Variants in THEMIS observed in about 807,000 individuals in gnomAD.
The protein encoded by THEMIS is protein THEMIS.
In THEMIS, 37 loss-of-function variants were observed where a neutral mutation model predicts 52.6. The observed-to-expected ratio is 0.70, with a 90% CI of 0.54 to 0.93. The LOEUF is 0.93. THEMIS is among the 40% of genes least tolerant of loss of function. The pLI, the probability that THEMIS is intolerant of heterozygous loss-of-function variation, is 0.00. For synonymous variants in THEMIS, 292 were observed against 272.7 expected (o/e 1.07, Z -0.70); for missense variants, 808 against 763.1 (o/e 1.06, Z -0.69).
intron 4 of THEMIS, among the ~76,000 whole-genome samples, chr6:127,802,981 A>T (rs1777585824): frequency 6.6e-6 from 1 of 152,180 alleles, no homozygotes; most frequent in Non-Finnish European, 1.5e-5. Context: ...TCTGATGCTT[A>T]TGTTAGAAAT....
At chr6:127,905,268 C>G (rs1419801172), upstream of THEMIS, among the ~76,000 whole-genome samples, 2 of 151,984 alleles carry the variant, frequency 1.3e-5, no homozygotes, top group African/African-American at 4.8e-5. Flanking sequence ...AAGAAATTGT[C>G]ACTTTCAAAG....
rs78416435 is a variant in THEMIS at position 127,909,674 on chromosome 6, A to T, written c.-149-8593T>A. On this transcript the variant is annotated intron_variant, in intron 1 of 6. Transcript: ENST00000368250. The stretch of plus-strand genomic sequence containing the variant: ...TTGTAATATTAACAGTATATTTAAC[A>T]GTCCCAGTCAAATGAATTACTGGGA... Among the ~76,000 whole-genome samples the T allele has an allele frequency of 3.9e-3, 589 of 152,234 alleles. 3 individuals carry two copies. The highest frequency in any genetic ancestry group is 0.014 in the African/African-American group (574 of 41,560).
Position 127,818,582 on chromosome 6 carries a change from C to CAA in THEMIS, c.710-4653_710-4652dup, listed in dbSNP as rs201551010. ...TACCTGAAACATCATGTCTGGCTTT[C>CAA]AAAAAAAAAAAAAAACTACAACATA... On this transcript the variant is annotated intron_variant, in intron 3 of 5. Coordinates refer to ENST00000368248, the MANE Select transcript of THEMIS (RefSeq NM_001010923.3). Among the ~76,000 whole-genome samples, 355 of 110,982 alleles carry CAA rather than the reference C, an allele frequency of 3.2e-3. 1 individual carries two copies. Among genetic ancestry groups the CAA allele is most frequent in the South Asian group, 0.022 (84 of 3,776 alleles). 72.8% of individuals were successfully genotyped at this position (110,982 alleles called of 152,430 possible).
At chr6:127,774,926 C>T (rs1776510409) in intron 4 of THEMIS, among the ~76,000 whole-genome samples, 1 of 152,146 alleles carries the variant, frequency 6.6e-6, no homozygotes, top group Non-Finnish European at 1.5e-5. Context: ...TATATGCCCA[C>T]ACATTTCCAC....
intron 1 of THEMIS, among the ~76,000 whole-genome samples, chr6:127,862,415 T>C (rs1269075351): frequency 6.7e-6 from 1 of 148,826 alleles, no homozygotes; most frequent in African/African-American, 2.5e-5. Context: ...AGGTGAAATC[T>C]CCTAGGGAGT....
chr6:127,713,493 C>A (rs897172195), intron 5 of THEMIS, among the ~76,000 whole-genome samples: 5 of 151,686 alleles, frequency 3.3e-5, no homozygotes, highest in African/African-American at 9.7e-5. Flanking sequence ...ATAAAAAATC[C>A]CTGCCTTCAT....
chr6:127,741,449 T>C lies in THEMIS; in HGVS notation c.1759-21626A>G, dbSNP rs371928690. The stretch of plus-strand genomic sequence containing the variant: ...GGAAAAAATTGCTAGATATATTATG[T>C]ACCACACTCCATAACAAAATAAAGA... On this transcript the variant is annotated intron_variant, in intron 4 of 5. Transcript: ENST00000368248. Among the ~76,000 whole-genome samples, 8 of 152,136 alleles carry C rather than the reference T, an allele frequency of 5.3e-5. No homozygotes were observed. In the East Asian group the frequency reaches 1.2e-3, roughly 22 times the overall value.
At chr6:127,775,413 TCA>T (rs1315392363) in intron 4 of THEMIS, among the ~76,000 whole-genome samples, 1 of 152,172 alleles carries the variant, frequency 6.6e-6, no homozygotes, top group Non-Finnish European at 1.5e-5. Context: ...GTGAAGACCC[TCA>T]CAGCAGAGAG....
chr6:127,850,875 A>G (rs1215124299), intron 2 of THEMIS, among the ~76,000 whole-genome samples: 1 of 151,698 alleles, frequency 6.6e-6, no homozygotes. Context: ...GTAACCCTGA[A>G]TCTATGGAAA....
intron 1 of THEMIS, among the ~76,000 whole-genome samples, chr6:127,893,638 A>G (rs1340565722): frequency 2.0e-5 from 3 of 152,132 alleles, no homozygotes; most frequent in Admixed American, 2.0e-4. Context: ...TGTGATGAAC[A>G]TTCTCCCTAT....
intron 2 of THEMIS, among the ~76,000 whole-genome samples, chr6:127,839,678 T>A (rs1778982821): frequency 6.6e-6 from 1 of 152,070 alleles, no homozygotes; most frequent in Non-Finnish European, 1.5e-5. Flanking sequence ...AATTAACAAC[T>A]CATTTCTAAA....
intron 4 of THEMIS, among the ~76,000 whole-genome samples, chr6:127,731,631 T>G (rs1774799781): frequency 6.6e-6 from 1 of 150,992 alleles, no homozygotes; most frequent in African/African-American, 2.4e-5. Context: ...GTTCATGTGA[T>G]TTTCACCGTA....
chr6:127,701,627 A>C, the THEMIS span, among the ~76,000 whole-genome samples: 1 of 152,186 alleles, frequency 6.6e-6, no homozygotes, highest in Non-Finnish European at 1.5e-5. Flanking sequence ...ACAGTTTTCC[A>C]AATAGATTTA....
At chr6:127,724,406 C>T (rs775530628) in intron 4 of THEMIS, among the ~76,000 whole-genome samples, 1 of 152,068 alleles carries the variant, frequency 6.6e-6, no homozygotes, top group Non-Finnish European at 1.5e-5. Flanking sequence ...GAGAATGTGG[C>T]CTGACAACAA....
At chr6:127,720,048 G>A (rs1247094760) in intron 4 of THEMIS, among the ~76,000 whole-genome samples, 1 of 151,892 alleles carries the variant, frequency 6.6e-6, no homozygotes, top group African/African-American at 2.4e-5. Context: ...TTTAGGCATA[G>A]AAAACCATCT....
At chr6:127,883,657 C>T (rs117523973) in intron 1 of THEMIS, among the ~76,000 whole-genome samples, 3,421 of 152,038 alleles carry the variant, frequency 0.023, 64 homozygotes, top group Non-Finnish European at 0.037. Flanking sequence ...TTCAAGTACT[C>T]AATACAGCCA....
At chr6:127,891,715 T>C (rs1780817186) in intron 1 of THEMIS, among the ~76,000 whole-genome samples, 2 of 152,190 alleles carry the variant, frequency 1.3e-5, no homozygotes, top group Non-Finnish European at 2.9e-5. Flanking sequence ...CTAATGCCTG[T>C]TCTCCCCAAA....
At chr6:127,857,072 A>AT (rs1779642477) in intron 1 of THEMIS, among the ~76,000 whole-genome samples, 1 of 98,802 alleles carries the variant, frequency 1.0e-5, no homozygotes, top group Admixed American at 1.3e-4. Flanking sequence ...GCAAACTTTG[A>AT]TTAAAAAAAA....
intron 4 of THEMIS, among the ~76,000 whole-genome samples, chr6:127,732,469 G>C (rs930786377): frequency 6.6e-5 from 10 of 152,112 alleles, no homozygotes; most frequent in African/African-American, 2.4e-4. Flanking sequence ...GATATAAATT[G>C]AATGTACCAT....
Sources: allele counts gnomAD v4.1 joint callset (sites outside exome capture counted in the v4.1 genomes callset), GRCh38; gene constraint gnomAD v4.1.1; transcripts MANE v1.5; gene names NCBI Gene and HGNC (gene_info 2026-07-23, HGNC 2026-07-21).